ZNF276: variants seen among roughly 807,000 people sequenced by gnomAD.
The protein encoded by ZNF276 is centromere protein Z.
A neutral mutation model predicts 63.9 loss-of-function variants in ZNF276; 59 were observed. The observed-to-expected ratio is 0.92, with a 90% CI of 0.75 to 1.15. ZNF276 has a LOEUF of 1.15. ZNF276 is among the 50% of genes most tolerant of loss of function. The pLI is 0.00. For missense variants in ZNF276, 1,084 were observed against 843.8 expected, an observed-to-expected ratio of 1.28 and a Z score of -3.53; for synonymous variants, 496 against 348.4, an observed-to-expected ratio of 1.42 and a Z score of -4.72.
In ZNF276 at chr16:89,739,313, A is replaced by G. The variant is rs376189323; in HGVS notation, c.*1067A>G. ...GACTAGAGGTAAAGACATAGTGACA[A>G]ATGGCTACAGACTGCTGGAAAGGTA... is the stretch of plus-strand genomic sequence containing the variant. On this transcript the variant is annotated 3_prime_UTR_variant, in exon 11 of 11. Transcript: ENST00000443381. 2.7e-5 allele frequency: 44 copies of G among 1,613,938 alleles called. No homozygotes were observed. The African/African-American group carries it at 5.5e-4, about 20-fold the overall frequency.
chr16:89,729,142 G>A lies in ZNF276; in HGVS notation c.1086-93G>A, dbSNP rs2061565020. Reference sequence around the variant, plus strand: ...CAGAAGAACTCAAATGTGGGACATGGGGGTCCATTTGGTATCTTTAGGCAG... The same window carrying A: ...CAGAAGAACTCAAATGTGGGACATGAGGGTCCATTTGGTATCTTTAGGCAG... On this transcript the variant is annotated intron_variant, in intron 5 of 10. Coordinates refer to ENST00000443381, the MANE Select transcript of ZNF276 (RefSeq NM_001113525.2). The A allele has an allele frequency of 5.1e-6, 5 of 979,480 alleles. No homozygotes were observed. The East Asian group carries it at 7.2e-5, about 14-fold the overall frequency. The allele number at this position is 979,480 out of a possible 1,614,324, so 60.7% of individuals were successfully genotyped here.
chr16:89,735,306 C>G (rs1454055802), intron 9 of ZNF276, among the ~76,000 whole-genome samples: 1 of 151,962 alleles, frequency 6.6e-6, no homozygotes, highest in African/African-American at 2.4e-5. Context: ...GGGCCTGGAA[C>G]CAGCTGAGGA....
At position 89,738,369 on chromosome 16, in the gene ZNF276, C is replaced by T. The variant is rs1325300725; in HGVS notation, c.*123C>T. 10 of 1,448,302 alleles carry T rather than the reference C, an allele frequency of 6.9e-6. No individual in the cohort carries two copies. Among genetic ancestry groups the T allele is most frequent in the African/African-American group, 2.8e-5 (2 of 70,974 alleles). 89.7% of individuals were successfully genotyped at this position (1,448,302 alleles called of 1,614,324 possible). A position where few individuals can be genotyped will look rare whatever the true frequency, so the allele number is the denominator to read the frequency against. On this transcript the variant is annotated 3_prime_UTR_variant, in exon 11 of 11. Transcript: ENST00000443381. ...TGCTGCCCGCCCTTGGTGCTGGAGG[C>T]GGGCTTGGTGTCCGGCTCAAGTAGC... is the stretch of plus-strand genomic sequence containing the variant.
chr16:89,736,980 C>G (rs567904647), intron 9 of ZNF276, among the ~76,000 whole-genome samples: 3 of 152,046 alleles, frequency 2.0e-5, no homozygotes, highest in African/African-American at 7.2e-5. Context: ...TCTTGTGAAG[C>G]GTTTCAGGGC....
Position 89,723,851 on chromosome 16 carries a change from C to T in ZNF276, c.1006+142C>T, listed in dbSNP as rs1382387437. ...GAAGGAGCAGAGCTTGGGGCTTCTG[C>T]CTGCGGCTGCTCACCACATCCAGAG... On this transcript the variant is annotated intron_variant, in intron 4 of 10. Coordinates refer to ENST00000443381, the MANE Select transcript of ZNF276 (RefSeq NM_001113525.2). 2.2e-5 allele frequency: 20 copies of T among 928,464 alleles called. No individual in the cohort carries two copies. In the East Asian group the frequency reaches 4.0e-4, roughly 18 times the overall value. 57.5% of individuals were successfully genotyped at this position (928,464 alleles called of 1,614,324 possible). A position where few individuals can be genotyped will look rare whatever the true frequency, so the allele number is the denominator to read the frequency against.
chr16:89,737,752 C>A (rs1476514584), intron 9 of ZNF276, 54 bp from the exon 10 acceptor site: 2 of 1,610,320 alleles, frequency 1.2e-6, no homozygotes, highest in Non-Finnish European at 8.5e-7. Context: ...ATCGTCGTCC[C>A]CCCGGGAGGT....
chr16:89,733,781 G>A (rs2061755743), intron 8 of ZNF276, 140 bp from the exon 9 acceptor site: 4 of 892,690 alleles, frequency 4.5e-6, no homozygotes, highest in African/African-American at 1.7e-5. Context: ...TTCTTGGAGT[G>A]AAGCTGTGAA....
upstream of ZNF276, chr16:89,720,721 G>C: frequency 7.1e-7 from 1 of 1,411,946 alleles, no homozygotes; most frequent in Non-Finnish European, 9.3e-7. Flanking sequence ...TCCCTCCAGG[G>C]GCCACCCTCA....
At chr16:89,720,751 GC>G, upstream of ZNF276, 1 of 1,438,306 alleles carries the variant, frequency 7.0e-7, no homozygotes. Flanking sequence ...CCCCGCCCCC[GC>G]CCCGCCTCAC....
upstream of ZNF276, chr16:89,720,645 C>T (rs531546968): frequency 4.1e-5 from 50 of 1,229,764 alleles, no homozygotes; most frequent in African/African-American, 5.6e-4. Context: ...CCCGGGATCC[C>T]GGCTGGCGCC....
intron 9 of ZNF276, among the ~76,000 whole-genome samples, 184 bp downstream of exon 9, chr16:89,734,222 C>A (rs563095726): frequency 2.0e-5 from 3 of 152,322 alleles, no homozygotes; most frequent in African/African-American, 7.2e-5. Flanking sequence ...GTGAATCTGC[C>A]CTTCCCTGTG....
At position 89,739,600 on chromosome 16, in the gene ZNF276, A is replaced by G. The variant is rs370549589; in HGVS notation, c.*1354A>G. 6 of 1,541,398 alleles carry G rather than the reference A, an allele frequency of 3.9e-6. No homozygotes were observed. The highest frequency in any genetic ancestry group is 2.7e-5 in the African/African-American group (2 of 72,822). ...CAGGCAACTCTGGACATCTCTGCCT[A>G]TTATCAGTGCTGGGGACACCCCTGG... On this transcript the variant is annotated 3_prime_UTR_variant, in exon 11 of 11. Transcript: ENST00000443381.
intron 2 of ZNF276, 24 bp from the exon 3 acceptor site, chr16:89,723,113 C>G (rs756051149): frequency 2.5e-6 from 4 of 1,613,046 alleles, no homozygotes; most frequent in Non-Finnish European, 3.4e-6. Context: ...TTGTCCTGCT[C>G]ATGGCCACAC....
At position 89,740,912 on chromosome 16, in the gene ZNF276, G is replaced by T; in HGVS notation, c.*2666G>T. ...TTATTATTACATTAAAATTACCTGT[G>T]CTGTCATTCTAAATAAGGCTGACAC... is the stretch of plus-strand genomic sequence containing the variant. On this transcript the variant is annotated 3_prime_UTR_variant, in exon 11 of 11. Coordinates refer to ENST00000443381, the MANE Select transcript of ZNF276 (RefSeq NM_001113525.2). The T allele has an allele frequency of 6.6e-7, 1 of 1,515,088 alleles. No individual in the cohort carries two copies. Among genetic ancestry groups the T allele is most frequent in the Non-Finnish European group, 9.1e-7 (1 of 1,103,322 alleles). 93.9% of individuals were successfully genotyped at this position (1,515,088 alleles called of 1,614,324 possible).
intron 9 of ZNF276, among the ~76,000 whole-genome samples, chr16:89,735,484 G>C (rs11649155): frequency 0.26 from 38,401 of 148,886 alleles, 5,104 homozygotes; most frequent in Middle Eastern, 0.35. Flanking sequence ...TGGGTTCTCC[G>C]ACATCTCTCC....
chr16:89,740,232 A>T lies in ZNF276; in HGVS notation c.*1986A>T. Reference sequence around the variant, plus strand: ...AAGTCTTAAAACTGGTGACAGTTTTACCTATAGAAGGTAATACTGGGCCTC... The same window carrying T: ...AAGTCTTAAAACTGGTGACAGTTTTTCCTATAGAAGGTAATACTGGGCCTC... On this transcript the variant is annotated 3_prime_UTR_variant, in exon 11 of 11. Transcript: ENST00000443381. 2 of 820,954 alleles carry T rather than the reference A, an allele frequency of 2.4e-6. No individual in the cohort carries two copies. Among genetic ancestry groups the T allele is most frequent in the South Asian group, 2.7e-5 (2 of 73,372 alleles). The allele number at this position is 820,954 out of a possible 1,614,324, so 50.9% of individuals were successfully genotyped here. A position where few individuals can be genotyped will look rare whatever the true frequency, so the allele number is the denominator to read the frequency against.
upstream of ZNF276, chr16:89,721,214 C>G (rs926793245): frequency 4.5e-6 from 1 of 224,096 alleles, no homozygotes; most frequent in African/African-American, 2.3e-5. Context: ...GCAGCCCGCC[C>G]GCCACCTGCG....
At chr16:89,723,053 T>TGA (rs773333025) in intron 2 of ZNF276, 84 bp from the exon 3 acceptor site, 29 of 1,610,394 alleles carry the variant, frequency 1.8e-5, no homozygotes, top group Non-Finnish European at 2.4e-5. Flanking sequence ...CGCTGAGGTT[T>TGA]GAGATCTCGA....
At chr16:89,721,516 T>G, upstream of ZNF276, 1 of 893,590 alleles carries the variant, frequency 1.1e-6, no homozygotes, top group Non-Finnish European at 1.6e-6. Context: ...CTCGCTTTGC[T>G]TCTCGCTCCG....
Sources: allele counts gnomAD v4.1 joint callset (sites outside exome capture counted in the v4.1 genomes callset), GRCh38; gene constraint gnomAD v4.1.1; transcripts MANE v1.5; gene names NCBI Gene and HGNC (gene_info 2026-07-23, HGNC 2026-07-21).